The following XKR3 variants were observed in gnomAD, a reference collection of about 807,000 sequenced individuals.
XKR3 encodes the protein XK related 3.
A neutral mutation model predicts 40.3 loss-of-function variants in XKR3; 27 were observed. The observed-to-expected ratio is 0.67, with a 90% CI of 0.49 to 0.92. The LOEUF (loss-of-function observed/expected upper bound fraction) is 0.92. Ranked by LOEUF, XKR3 falls within the 40% of genes least tolerant of loss-of-function variation. The pLI, the probability that XKR3 is intolerant of heterozygous loss-of-function variation, is 0.00. For synonymous variants in XKR3, 193 were observed against 195.4 expected, an observed-to-expected ratio of 0.99 and a Z score of 0.10; for missense variants, 472 against 537.6, an observed-to-expected ratio of 0.88 and a Z score of 1.21.
intron 2 of XKR3, among the ~76,000 whole-genome samples, chr22:16,805,341 AAG>A: frequency 6.6e-6 from 1 of 152,344 alleles, no homozygotes; most frequent in African/African-American, 2.4e-5. Flanking sequence ...TAACCTAAAA[AAG>A]AAAATATTCA....
chr22:16,810,928 C>A (rs2060209795), intron 1 of XKR3, among the ~76,000 whole-genome samples: 1 of 152,130 alleles, frequency 6.6e-6, no homozygotes, highest in Non-Finnish European at 1.5e-5. Context: ...TATGCACCTG[C>A]ATATACATGA....
At chr22:16,803,883 A>C (rs181573711) in intron 2 of XKR3, among the ~76,000 whole-genome samples, 2 of 152,346 alleles carry the variant, frequency 1.3e-5, no homozygotes, top group Admixed American at 1.3e-4. Flanking sequence ...CCATTCTTTT[A>C]TTCCTTTACA....
chr22:16,789,014 G>A (rs1218029751), intron 3 of XKR3, among the ~76,000 whole-genome samples: 1 of 151,986 alleles, frequency 6.6e-6, no homozygotes, highest in Admixed American at 6.6e-5. Flanking sequence ...TGACATAAAC[G>A]AGAATAACCA....
At chr22:16,793,583 A>T (rs1269743130) in intron 3 of XKR3, among the ~76,000 whole-genome samples, 1 of 152,160 alleles carries the variant, frequency 6.6e-6, no homozygotes, top group East Asian at 1.9e-4. Context: ...CATAAAACAG[A>T]CCACCCAGAG....
intron 3 of XKR3, among the ~76,000 whole-genome samples, chr22:16,795,837 C>G (rs2060138091): frequency 6.6e-6 from 1 of 151,954 alleles, no homozygotes. Flanking sequence ...CATGGTGGTA[C>G]ATGCCTGTAA....
chr22:16,797,857 T>C (rs1001602755), intron 3 of XKR3, among the ~76,000 whole-genome samples: 7 of 146,020 alleles, frequency 4.8e-5, no homozygotes, highest in African/African-American at 1.5e-4. Flanking sequence ...GACATACAAG[T>C]GTCCAACAAG....
At chr22:16,815,109 T>A (rs1189501583) in intron 1 of XKR3, among the ~76,000 whole-genome samples, 1 of 151,812 alleles carries the variant, frequency 6.6e-6, no homozygotes, top group Non-Finnish European at 1.5e-5. Flanking sequence ...AGATGCCTTT[T>A]TTCAGGCTGA....
rs1417004693 is a variant in XKR3, at chr22:16,807,954, T to C, written c.120A>G (p.Ser40=). The C allele has an allele frequency of 1.2e-6, 2 of 1,613,974 alleles. No individual in the cohort carries two copies. Among genetic ancestry groups the C allele is most frequent in the Non-Finnish European group, 1.7e-6 (2 of 1,179,916 alleles). The part of the protein sequence containing the change: ...HLSFPFSIIF[S]TVLYCGEVAF... Reference sequence around the variant, plus strand: ...CAACCTCACCACAGTAGAGAACAGTTGAGAAGATAATGCTAAAAGGAAAGC... The same window carrying C: ...CAACCTCACCACAGTAGAGAACAGTCGAGAAGATAATGCTAAAAGGAAAGC... Residue 40 remains serine (S), a synonymous_variant, in exon 2 of 4, where the codon TCA becomes TCG. Transcript: ENST00000684488.
In XKR3 at chr22:16,784,156, C is replaced by T; in HGVS notation, c.843G>A (p.Leu281=). 1.9e-6 allele frequency: 3 copies of T among 1,614,172 alleles called. No homozygotes were observed. The South Asian group carries it at 3.3e-5, about 18-fold the overall frequency. ...IYFVSLLAPW[L]EFWKSGAHLP... is the part of the protein sequence containing the mutation. ...GATGAGCTCCACTTTTCCAAAACTC[C>T]AGCCACGGTGCCAACAATGATACAA... The change falls in exon 4 of 4, where the codon CTG becomes CTA. Residue 281 remains leucine, a synonymous_variant. Transcript: ENST00000684488.
chr22:16,789,284 TTAGAAC>T (rs2060104026), intron 3 of XKR3, among the ~76,000 whole-genome samples: 1 of 152,168 alleles, frequency 6.6e-6, no homozygotes, highest in South Asian at 2.1e-4. Context: ...TAAAAAGCAG[TTAGAAC>T]TATTTCAGAA....
chr22:16,798,520 G>A (rs2060152373), intron 3 of XKR3, among the ~76,000 whole-genome samples: 2 of 152,164 alleles, frequency 1.3e-5, no homozygotes, highest in African/African-American at 4.8e-5. Flanking sequence ...GACACATACA[G>A]TCATATGTTC....
chr22:16,819,955 C>G (rs2060248984), intron 1 of XKR3, among the ~76,000 whole-genome samples: 1 of 152,100 alleles, frequency 6.6e-6, no homozygotes, highest in African/African-American at 2.4e-5. Context: ...GAAATAAATG[C>G]ACAAAAAGTC....
chr22:16,805,984 T>C, intron 2 of XKR3, among the ~76,000 whole-genome samples: 1 of 152,208 alleles, frequency 6.6e-6, no homozygotes, highest in East Asian at 1.9e-4. Flanking sequence ...ACAGTTACTT[T>C]GGTAAACAGC....
intron 3 of XKR3, among the ~76,000 whole-genome samples, chr22:16,786,888 C>T (rs2060092901): frequency 6.6e-6 from 1 of 152,014 alleles, no homozygotes; most frequent in African/African-American, 2.4e-5. Flanking sequence ...ATCATGGCAC[C>T]AAGTGGACAA....
At chr22:16,803,554 G>A (rs1696484991) in intron 2 of XKR3, among the ~76,000 whole-genome samples, 1 of 152,134 alleles carries the variant, frequency 6.6e-6, no homozygotes, top group African/African-American at 2.4e-5. Flanking sequence ...GAGAATACAT[G>A]GCAAATGTGT....
intron 3 of XKR3, among the ~76,000 whole-genome samples, chr22:16,790,847 T>C (rs2060112798): frequency 6.6e-6 from 1 of 151,818 alleles, no homozygotes; most frequent in East Asian, 1.9e-4. Flanking sequence ...CACCTCATCC[T>C]GGTTGGAACA....
intron 1 of XKR3, among the ~76,000 whole-genome samples, chr22:16,817,829 C>T (rs2060239954): frequency 6.6e-6 from 1 of 151,800 alleles, no homozygotes; most frequent in South Asian, 2.1e-4. Context: ...TCACATTGCC[C>T]CAGAGAACTA....
intron 3 of XKR3, among the ~76,000 whole-genome samples, chr22:16,786,200 A>G (rs2060090135): frequency 6.6e-6 from 1 of 151,968 alleles, no homozygotes. Context: ...ACTAGAGCCC[A>G]GGAGTTCAAG....
intron 3 of XKR3, among the ~76,000 whole-genome samples, chr22:16,793,248 G>C (rs1282584819): frequency 6.6e-6 from 1 of 152,184 alleles, no homozygotes. Context: ...CTGACCTCAG[G>C]TGATCTGTCC....
Sources: allele counts gnomAD v4.1 joint callset (sites outside exome capture counted in the v4.1 genomes callset), GRCh38; gene constraint gnomAD v4.1.1; transcripts MANE v1.5; gene names NCBI Gene and HGNC (gene_info 2026-07-23, HGNC 2026-07-21).